Variants in ZFHX2 observed in about 807,000 individuals in gnomAD.
The protein encoded by ZFHX2 is zinc finger homeobox 2.
In ZFHX2, 75 loss-of-function variants were observed where a neutral mutation model predicts 164.8. The ratio of observed to expected loss-of-function variants is 0.46; its 90% confidence interval spans 0.38 to 0.55. The LOEUF (loss-of-function observed/expected upper bound fraction) is 0.55. Among genes scored for constraint, ZFHX2 ranks in the 20% least tolerant of loss-of-function variants. The pLI is 0.00. For synonymous variants in ZFHX2, 1,217 were observed against 1,351.4 expected (o/e 0.90, Z 2.18); for missense variants, 2,933 against 3,308.0 (o/e 0.89, Z 2.78).
Position 23,523,029 on chromosome 14 carries a change from C to A in ZFHX2, c.6740-88G>T. On this transcript the variant is annotated intron_variant, in intron 9 of 9. Transcript: ENST00000419474. The surrounding 1 kb of genome is among the most constrained non-coding windows in gnomAD (Gnocchi z 4.1). ...TAGGCCACCTCCAGCCACACACACC[C>A]GTTCCCAGCACCGGATTTCCATGCC... 2 of 1,414,162 alleles carry A rather than the reference C, an allele frequency of 1.4e-6. No homozygotes were observed. Among genetic ancestry groups the A allele is most frequent in the Non-Finnish European group, 1.8e-6 (2 of 1,088,960 alleles). The allele number at this position is 1,414,162 out of a possible 1,614,324, so 87.6% of individuals were successfully genotyped here. A position where few individuals can be genotyped will look rare whatever the true frequency, so the allele number is the denominator to read the frequency against.
At chr14:23,527,512 A>T in intron 7 of ZFHX2, 92 bp downstream of exon 7, 1 of 1,477,156 alleles carries the variant, frequency 6.8e-7, no homozygotes, top group South Asian at 1.3e-5. Flanking sequence ...CCCCCAACAC[A>T]TGCACCTGCC....
chr14:23,547,371 C>T lies in ZFHX2; in HGVS notation c.-50+3972G>A, dbSNP rs918451113. Among the ~76,000 whole-genome samples the T allele has an allele frequency of 3.3e-5, 5 of 152,182 alleles. No homozygotes were observed. The East Asian group carries it at 9.6e-4, about 29-fold the overall frequency. The stretch of plus-strand genomic sequence containing the variant: ...GGCCATTGTATATATACGGTTATGA[C>T]CAATTCAATTGTAGTTTCATGATTG... On this transcript the variant is annotated intron_variant, in intron 1 of 9. Transcript: ENST00000419474.
Position 23,534,882 on chromosome 14 carries a change from G to A in ZFHX2, c.444C>T (p.Gly148=). The part of the protein sequence containing the change: ...LPKGFPWGEA[G]IKEEPSLPFL... ...AGGGCAGACTGGGCTCTTCCTTGAT[G>A]CCCGCCTCACCCCAGGGGAAGCCCT... The change falls in exon 2 of 10, where the codon GGC becomes GGT. Residue 148 remains glycine (G), a synonymous_variant. Coordinates refer to ENST00000419474, the MANE Select transcript of ZFHX2 (RefSeq NM_033400.3). The surrounding 1 kb of genome is among the most constrained non-coding windows in gnomAD (Gnocchi z 4.5). 6.5e-7 allele frequency: 1 copy of A among 1,536,156 alleles called. No homozygotes were observed. The highest frequency in any genetic ancestry group is 8.7e-7 in the Non-Finnish European group (1 of 1,146,902).
At chr14:23,552,703 G>A (rs1882067637), upstream of ZFHX2, among the ~76,000 whole-genome samples, 1 of 152,082 alleles carries the variant, frequency 6.6e-6, no homozygotes, top group African/African-American at 2.4e-5. Flanking sequence ...CCAGGTTCAA[G>A]TGATTCTCCT....
chr14:23,544,790 C>A (rs1214785645), intron 1 of ZFHX2, among the ~76,000 whole-genome samples: 2 of 152,220 alleles, frequency 1.3e-5, no homozygotes, highest in African/African-American at 4.8e-5. Context: ...ACTGGCCCTG[C>A]CAGCTGCAGC....
chr14:23,526,998 C>T, intron 7 of ZFHX2, 25 bp from the exon 8 acceptor site: 1 of 1,482,832 alleles, frequency 6.7e-7, no homozygotes, highest in South Asian at 1.4e-5. Flanking sequence ...AGCCTAGTGG[C>T]TTCACCACCA....
In ZFHX2 at chr14:23,523,799, C is replaced by T; in HGVS notation, c.6143G>A (p.Gly2048Glu). 1 of 1,536,246 alleles carries T rather than the reference C, an allele frequency of 6.5e-7. No homozygotes were observed. The highest frequency in any genetic ancestry group is 8.7e-7 in the Non-Finnish European group (1 of 1,146,930). Residue 2048 changes from glycine (G) to glutamate (E), a missense_variant, in exon 9 of 10, where the codon GGG becomes GAG. Physicochemically the swap from Gly to Glu is moderately conservative, Grantham distance 98. Transcript: ENST00000419474. The surrounding 1 kb of genome is among the most constrained non-coding windows in gnomAD (Gnocchi z 4.1). Reference sequence around the variant, plus strand: ...CCCACCTCCAGGTCCCCCACTGGTCCCTCCAGCCCCAGGGGATTCTGGTTC... The same window carrying T: ...CCCACCTCCAGGTCCCCCACTGGTCTCTCCAGCCCCAGGGGATTCTGGTTC... ...LAEPESPGAG[G>E]TSGGPGGGTG...
At position 23,551,525 on chromosome 14, in the gene ZFHX2, TAAATA is replaced by T. The variant is rs1430679007; in HGVS notation, c.-237_-233del. On this transcript the variant is annotated 5_prime_UTR_variant, in exon 1 of 10. Coordinates refer to ENST00000419474, the MANE Select transcript of ZFHX2 (RefSeq NM_033400.3). This position sits in a 1 kb window ranked among gnomAD's most constrained non-coding sequence, Gnocchi z 5.3. ...AGGGACGGAGACGGAAAAAAATAAA[TAAATA>T]AATTCACGGCGGTGAGGGAAGTGAA... The T allele has an allele frequency of 1.3e-5, 2 of 151,970 alleles. No individual in the cohort carries two copies. Among genetic ancestry groups the T allele is most frequent in the Non-Finnish European group, 2.9e-5 (2 of 67,958 alleles). 9.4% of individuals were successfully genotyped at this position (151,970 alleles called of 1,614,324 possible).
intron 1 of ZFHX2, among the ~76,000 whole-genome samples, chr14:23,540,064 T>C (rs1880630701): frequency 6.6e-6 from 1 of 152,250 alleles, no homozygotes; most frequent in Non-Finnish European, 1.5e-5. Flanking sequence ...CTTGTCTCAC[T>C]GCAGACTCTG....
At chr14:23,531,303 T>A (rs1400631227) in intron 4 of ZFHX2, 178 bp downstream of exon 4, 6 of 951,100 alleles carry the variant, frequency 6.3e-6, no homozygotes, top group Non-Finnish European at 8.3e-6. Context: ...CAAGGTAGCC[T>A]CCACAGTGCC....
In ZFHX2 at chr14:23,522,130, C is replaced by T. The variant is rs1438902580; in HGVS notation, c.7551G>A (p.Ser2517=). 1.2e-5 allele frequency: 18 copies of T among 1,528,332 alleles called. No homozygotes were observed. Among genetic ancestry groups the T allele is most frequent in the East Asian group, 4.9e-5 (2 of 40,896 alleles). 94.7% of individuals were successfully genotyped at this position (1,528,332 alleles called of 1,614,324 possible). A position where few individuals can be genotyped will look rare whatever the true frequency, so the allele number is the denominator to read the frequency against. ...REALASHLRS[S]AHRRKAAPPQ... ...GTGGGGCTGCCTTGCGCCTGTGGGC[C>T]GAGGAGCGCAGGTGGGAGGCTAGGG... The change falls in exon 10 of 10, where the codon TCG becomes TCA. Residue 2517 remains serine (S), a synonymous_variant. Transcript: ENST00000419474.
intron 1 of ZFHX2, among the ~76,000 whole-genome samples, chr14:23,542,426 G>C (rs1392251032): frequency 6.6e-6 from 1 of 152,094 alleles, no homozygotes; most frequent in East Asian, 1.9e-4. Context: ...GCTACTGATG[G>C]GGGTGGGTGT....
At chr14:23,549,269 C>A (rs1255502851) in intron 1 of ZFHX2, among the ~76,000 whole-genome samples, 1 of 152,156 alleles carries the variant, frequency 6.6e-6, no homozygotes. Flanking sequence ...TTTGCACATC[C>A]CTCACGTCAT....
chr14:23,539,921 G>A (rs976240267), intron 1 of ZFHX2, among the ~76,000 whole-genome samples: 19 of 152,288 alleles, frequency 1.2e-4, no homozygotes, highest in Admixed American at 1.1e-3. Context: ...AAAGTCTTTC[G>A]AAGTGAAGTC....
rs1020599539 is a variant in ZFHX2, at chr14:23,522,716, G to T, written c.6965C>A (p.Ser2322Tyr). The T allele has an allele frequency of 9.1e-6, 14 of 1,536,512 alleles. No homozygotes were observed. The highest frequency in any genetic ancestry group is 1.2e-5 in the Non-Finnish European group (14 of 1,146,966). The stretch of plus-strand genomic sequence containing the variant: ...GAGGTTCTTGAGGGCATCATTGGAG[G>T]AGCTGGTGGGGCCTGCAACTGGCTT... ...ERKPVAGPTS[S>Y]SNDALKNLKA... Residue 2322 changes from serine to tyrosine, a missense_variant, in exon 10 of 10, where the codon TCC (serine) becomes TAC (tyrosine). Transcript: ENST00000419474.
rs1336767272 is a variant in ZFHX2, at chr14:23,524,886, C to T, written c.5056G>A (p.Val1686Met). The T allele has an allele frequency of 6.5e-7, 1 of 1,536,400 alleles. No homozygotes were observed. Among genetic ancestry groups the T allele is most frequent in the Non-Finnish European group, 8.7e-7 (1 of 1,146,944 alleles). Residue 1686 changes from valine to methionine, a missense_variant, in exon 9 of 10, where the codon GTG becomes ATG. Val to Met is a conservative substitution (Grantham distance 21). Transcript: ENST00000419474. This position sits in a 1 kb window ranked among gnomAD's most constrained non-coding sequence, Gnocchi z 5.6. ...TCATAGCACTTCTTGAGGTGGCGCA[C>T]CAACTCAAAAACACAGGAGAAAGTG... is the stretch of plus-strand genomic sequence containing the variant. The part of the protein sequence containing the change: ...HATFSCVFEL[V>M]RHLKKCYDDQ...
chr14:23,550,437 C>T (rs1186183699), intron 1 of ZFHX2, among the ~76,000 whole-genome samples: 2 of 152,124 alleles, frequency 1.3e-5, no homozygotes, highest in African/African-American at 4.8e-5. Flanking sequence ...GCAGCCAAGG[C>T]GTGACACATA....
chr14:23,527,104 A>G, intron 7 of ZFHX2, 131 bp from the exon 8 acceptor site: 1 of 1,330,610 alleles, frequency 7.5e-7, no homozygotes, highest in Non-Finnish European at 9.7e-7. Context: ...TGTCTGAACA[A>G]ACCTCCCACC....
chr14:23,554,752 C>G (rs1480346519), upstream of ZFHX2, among the ~76,000 whole-genome samples: 2 of 151,996 alleles, frequency 1.3e-5, no homozygotes, highest in African/African-American at 4.8e-5. Context: ...CATGTATTTC[C>G]AGAAACATAC....
Sources: allele counts gnomAD v4.1 joint callset (sites outside exome capture counted in the v4.1 genomes callset), GRCh38; gene constraint gnomAD v4.1.1; non-coding constraint Gnocchi (gnomAD v3.1); transcripts MANE v1.5; gene names NCBI Gene and HGNC (gene_info 2026-07-23, HGNC 2026-07-21).